The following ANKS1B variants were observed in gnomAD, a reference collection of about 807,000 sequenced individuals.
The protein encoded by ANKS1B is ankyrin repeat and sterile alpha motif domain containing 1B.
In ANKS1B, 36 loss-of-function variants were observed where a neutral mutation model predicts 148.3. The ratio of observed to expected loss-of-function variants is 0.24; its 90% confidence interval spans 0.19 to 0.32. ANKS1B has a LOEUF of 0.32. Among genes scored for constraint, ANKS1B ranks in the 10% least tolerant of loss-of-function variants. ANKS1B has a pLI of 1.00. For synonymous variants in ANKS1B, 542 were observed against 560.8 expected (o/e 0.97, Z 0.47); for missense variants, 1,157 against 1,542.6 (o/e 0.75, Z 4.19).
chr12:98,911,090 A>G (rs896316782), intron 17 of ANKS1B, among the ~76,000 whole-genome samples: 1 of 140,836 alleles, frequency 7.1e-6, no homozygotes, highest in Non-Finnish European at 1.6e-5. Context: ...GGAGATAAAA[A>G]TTCTGTGGTA....
chr12:99,957,982 G>A (rs1202443365), intron 1 of ANKS1B, among the ~76,000 whole-genome samples: 1 of 152,170 alleles, frequency 6.6e-6, no homozygotes. Flanking sequence ...TAGTGGGAAG[G>A]CAAACATGTA....
At chr12:99,716,104 C>G (rs1015659608) in intron 8 of ANKS1B, among the ~76,000 whole-genome samples, 8 of 152,074 alleles carry the variant, frequency 5.3e-5, no homozygotes, top group Non-Finnish European at 1.2e-4. Flanking sequence ...CTCTCCCTGT[C>G]TCTACCCCTT....
chr12:99,586,905 T>A lies in ANKS1B; in HGVS notation c.1272+68162A>T, dbSNP rs141792468. 3.6e-3 allele frequency among the ~76,000 whole-genome samples: 545 copies of A among 152,206 alleles called. 5 individuals are homozygous for A. Among genetic ancestry groups the A allele is most frequent in the African/African-American group, 0.011 (450 of 41,520 alleles). On this transcript the variant is annotated intron_variant, in intron 9 of 26. Transcript: ENST00000683438. The stretch of plus-strand genomic sequence containing the variant: ...GCCCCCATGATTCAATAACCTCCCA[T>A]TGGGTACCTTCCACAACATGTAAGA...
At chr12:98,861,449 G>A (rs921230754) in intron 17 of ANKS1B, among the ~76,000 whole-genome samples, 1 of 152,204 alleles carries the variant, frequency 6.6e-6, no homozygotes, top group Non-Finnish European at 1.5e-5. Flanking sequence ...CTCCTACTGT[G>A]TGGATGAGAT....
At chr12:99,637,021 G>A (rs552557678) in intron 9 of ANKS1B, among the ~76,000 whole-genome samples, 2 of 152,248 alleles carry the variant, frequency 1.3e-5, no homozygotes, top group African/African-American at 4.8e-5. Flanking sequence ...CAGTGATGAT[G>A]ATGGCCGGGT....
At chr12:99,520,012 T>G (rs1345104853) in intron 9 of ANKS1B, among the ~76,000 whole-genome samples, 1 of 152,202 alleles carries the variant, frequency 6.6e-6, no homozygotes, top group Non-Finnish European at 1.5e-5. Context: ...TTATGTATTA[T>G]TGTATTGTGT....
intron 17 of ANKS1B, among the ~76,000 whole-genome samples, chr12:98,928,588 CA>C (rs1229964846): frequency 6.6e-6 from 1 of 151,946 alleles, no homozygotes; most frequent in Non-Finnish European, 1.5e-5. Flanking sequence ...TAACCATGAT[CA>C]AGTGGGATGC....
intron 1 of ANKS1B, among the ~76,000 whole-genome samples, chr12:99,959,681 T>C (rs186456503): frequency 3.3e-4 from 50 of 152,286 alleles, no homozygotes; most frequent in African/African-American, 1.1e-3. Context: ...AAAAAAAGCA[T>C]AACGCTTGCT....
rs149964058 is a variant in ANKS1B at position 99,884,510 on chromosome 12, T to C, written c.135-59121A>G. Among the ~76,000 whole-genome samples the C allele has an allele frequency of 2.2e-4, 34 of 152,324 alleles. No homozygotes were observed. In the East Asian group the frequency reaches 5.2e-3, roughly 23 times the overall value. On this transcript the variant is annotated intron_variant, in intron 1 of 26. Transcript: ENST00000683438. ...ATGCATATGTCCTTAAACTGGTGAA[T>C]GGATGGAACAAAACTAATTGTGGCA...
chr12:99,972,357 A>G lies in ANKS1B; in HGVS notation c.134+11747T>C, dbSNP rs1187044745. ...GTTAGCCAAGCTGCAAATGCAAAGG[A>G]AAAGTTCATGAAGGAAATGAAAAGT... is the stretch of plus-strand genomic sequence containing the variant. On this transcript the variant is annotated intron_variant, in intron 1 of 26. Coordinates refer to ENST00000683438, the MANE Select transcript of ANKS1B (RefSeq NM_001352186.2). Among the ~76,000 whole-genome samples the G allele has an allele frequency of 3.7e-4, 56 of 152,234 alleles. 1 individual carries two copies. Among genetic ancestry groups the G allele is most frequent in the Admixed American group, 3.7e-3 (56 of 15,290 alleles).
intron 9 of ANKS1B, among the ~76,000 whole-genome samples, chr12:99,599,879 TA>T (rs1467980216): frequency 6.6e-6 from 1 of 151,042 alleles, no homozygotes; most frequent in East Asian, 1.9e-4. Flanking sequence ...TGTATACATC[TA>T]AATTTGAAAA....
chr12:99,449,042 T>C (rs1341380644), intron 10 of ANKS1B, among the ~76,000 whole-genome samples: 2 of 152,130 alleles, frequency 1.3e-5, no homozygotes, highest in African/African-American at 4.8e-5. Context: ...TTCAGCTGTG[T>C]CAAGGCTGCT....
At chr12:99,591,621 A>G (rs1299273234) in intron 9 of ANKS1B, among the ~76,000 whole-genome samples, 1 of 152,140 alleles carries the variant, frequency 6.6e-6, no homozygotes, top group Non-Finnish European at 1.5e-5. Context: ...CCCCGAAAAT[A>G]TGTAAAATTG....
intron 15 of ANKS1B, among the ~76,000 whole-genome samples, chr12:99,147,966 AAG>A (rs1397869322): frequency 1.3e-5 from 2 of 152,086 alleles, no homozygotes; most frequent in African/African-American, 2.4e-5. Flanking sequence ...GCTGACTTAA[AAG>A]AGAGCAATTT....
chr12:99,741,687 T>C (rs975479975), intron 8 of ANKS1B, among the ~76,000 whole-genome samples: 2 of 151,810 alleles, frequency 1.3e-5, no homozygotes, highest in African/African-American at 4.8e-5. Flanking sequence ...TAAGTGGAAG[T>C]TGAACAATGA....
intron 12 of ANKS1B, among the ~76,000 whole-genome samples, chr12:99,306,646 AGC>A (rs2082388363): frequency 6.6e-6 from 1 of 152,120 alleles, no homozygotes; most frequent in Admixed American, 6.6e-5. Flanking sequence ...ATATGTGCTA[AGC>A]AGGTCCAAAG....
intron 12 of ANKS1B, among the ~76,000 whole-genome samples, chr12:99,363,034 T>C (rs1488779351): frequency 6.6e-6 from 1 of 152,052 alleles, no homozygotes; most frequent in African/African-American, 2.4e-5. Flanking sequence ...TGGAGGATGG[T>C]TATAGATATC....
intron 17 of ANKS1B, among the ~76,000 whole-genome samples, chr12:98,915,616 G>C (rs141653756): frequency 2.6e-5 from 4 of 152,260 alleles, no homozygotes; most frequent in African/African-American, 9.6e-5. Flanking sequence ...GCCTCTCATA[G>C]TGCTGGGATT....
intron 8 of ANKS1B, among the ~76,000 whole-genome samples, chr12:99,720,091 A>G (rs957430419): frequency 3.3e-5 from 5 of 152,212 alleles, no homozygotes; most frequent in Non-Finnish European, 7.3e-5. Flanking sequence ...CCACTAGCCC[A>G]TCTCTTAGAA....
Sources: allele counts gnomAD v4.1 joint callset (sites outside exome capture counted in the v4.1 genomes callset), GRCh38; gene constraint gnomAD v4.1.1; transcripts MANE v1.5; gene names NCBI Gene and HGNC (gene_info 2026-07-23, HGNC 2026-07-21).